IGSF11: variants seen among roughly 807,000 people sequenced by gnomAD.
IGSF11 encodes the protein immunoglobulin superfamily member 11.
Under a neutral mutation model 41.0 loss-of-function variants are expected in IGSF11, and 22 were observed. The observed-to-expected ratio is 0.54, with a 90% CI of 0.38 to 0.77. IGSF11 has a LOEUF of 0.77. Ranked by LOEUF, IGSF11 falls within the 30% of genes least tolerant of loss-of-function variation. The pLI is 0.00. For missense variants in IGSF11, 444 were observed against 530.8 expected (o/e 0.84, Z 1.61); for synonymous variants, 219 against 201.3 (o/e 1.09, Z -0.74).
intron 1 of IGSF11, among the ~76,000 whole-genome samples, chr3:119,118,226 G>T (rs997881092): frequency 2.0e-5 from 3 of 152,206 alleles, no homozygotes; most frequent in Non-Finnish European, 4.4e-5. Context: ...CCTAGCAAAG[G>T]TTCTCCAAGA....
chr3:118,904,889 A>C (rs1559869196), intron 5 of IGSF11, 91 bp from the exon 6 acceptor site: 1 of 1,056,004 alleles, frequency 9.5e-7, no homozygotes, highest in East Asian at 2.5e-5. Context: ...TAAGCTTACT[A>C]AATAATCTGC....
chr3:118,999,572 T>TGA (rs1435144708), intron 1 of IGSF11, among the ~76,000 whole-genome samples: 1 of 152,214 alleles, frequency 6.6e-6, no homozygotes, highest in Non-Finnish European at 1.5e-5. Flanking sequence ...CATAAGGTTC[T>TGA]TGACATATCC....
upstream of IGSF11, among the ~76,000 whole-genome samples, chr3:119,039,290 G>T (rs1274463617): frequency 1.3e-5 from 2 of 152,166 alleles, no homozygotes; most frequent in Non-Finnish European, 2.9e-5. Flanking sequence ...CTTTCTGGAG[G>T]TTCCGGGGAG....
intron 1 of IGSF11, among the ~76,000 whole-genome samples, chr3:118,944,144 C>T (rs1943932127): frequency 6.6e-6 from 1 of 152,112 alleles, no homozygotes; most frequent in African/African-American, 2.4e-5. Context: ...TAACTTCTAA[C>T]TAGTTTAAAG....
rs553690530 is a variant in IGSF11 at position 119,043,789 on chromosome 3, G to A, written c.49+61355C>T. Among the ~76,000 whole-genome samples, 11 of 152,234 alleles carry A rather than the reference G, an allele frequency of 7.2e-5. 1 individual carries two copies. The South Asian group carries it at 2.3e-3, about 32-fold the overall frequency. On this transcript the variant is annotated intron_variant, in intron 1 of 6. Coordinates refer to the IGSF11 transcript ENST00000354673. Reference sequence around the variant, plus strand: ...GGAGCCCAGTTAGCCCCACTGGGTGGCTAGATGCAGAAGGGCAATAACAAT... The same window carrying A: ...GGAGCCCAGTTAGCCCCACTGGGTGACTAGATGCAGAAGGGCAATAACAAT...
At chr3:118,989,654 C>A (rs1307589907) in intron 1 of IGSF11, among the ~76,000 whole-genome samples, 1 of 152,094 alleles carries the variant, frequency 6.6e-6, no homozygotes, top group Admixed American at 6.6e-5. Flanking sequence ...ACACCCAGCC[C>A]CTTTATAGCA....
Position 118,900,639 on chromosome 3 carries a change from A to T in IGSF11, c.*1881T>A, listed in dbSNP as rs1247776093. 6.6e-6 allele frequency: 1 copy of T among 152,624 alleles called. No individual in the cohort carries two copies. Among genetic ancestry groups the T allele is most frequent in the Non-Finnish European group, 1.5e-5 (1 of 68,040 alleles). 9.5% of individuals were successfully genotyped at this position (152,624 alleles called of 1,614,324 possible). On this transcript the variant is annotated 3_prime_UTR_variant, in exon 7 of 7. Transcript: ENST00000393775. ...AATTAATGACAACTTATTTTATATG[A>T]ATAAAATTTTATTGAATTTTAGATA...
intron 1 of IGSF11, among the ~76,000 whole-genome samples, chr3:119,009,087 T>C (rs1035197678): frequency 6.6e-6 from 1 of 152,038 alleles, no homozygotes; most frequent in Non-Finnish European, 1.5e-5. Flanking sequence ...CACACAAATT[T>C]CTCTGGAGAA....
intron 1 of IGSF11, among the ~76,000 whole-genome samples, chr3:119,074,855 AAAAT>A (rs1173163396): frequency 6.6e-6 from 1 of 152,152 alleles, no homozygotes; most frequent in Non-Finnish European, 1.5e-5. Context: ...CCGTCTCAAA[AAAAT>A]AAATAAAATA....
intron 1 of IGSF11, among the ~76,000 whole-genome samples, chr3:118,938,531 C>T (rs536760073): frequency 3.5e-4 from 54 of 152,282 alleles, no homozygotes; most frequent in African/African-American, 1.1e-3. Flanking sequence ...AACCAAGGCA[C>T]AAAAGCAGAA....
intron 1 of IGSF11, among the ~76,000 whole-genome samples, chr3:118,974,168 A>G (rs980849009): frequency 6.6e-6 from 1 of 152,140 alleles, no homozygotes; most frequent in Admixed American, 6.5e-5. Flanking sequence ...GCTACAGGAG[A>G]TAAAGTGGGT....
At chr3:119,096,851 C>T (rs2076859903) in intron 1 of IGSF11, among the ~76,000 whole-genome samples, 1 of 152,176 alleles carries the variant, frequency 6.6e-6, no homozygotes, top group Non-Finnish European at 1.5e-5. Context: ...CCAAGAGTTT[C>T]TAGCTTTTAA....
intron 1 of IGSF11, among the ~76,000 whole-genome samples, chr3:119,095,691 T>C (rs564895902): frequency 2.6e-5 from 4 of 152,220 alleles, no homozygotes; most frequent in South Asian, 4.2e-4. Flanking sequence ...AAAAACAACA[T>C]TGAGTTAGAG....
chr3:119,114,641 C>A (rs1165719247), intron 1 of IGSF11, among the ~76,000 whole-genome samples: 2 of 152,236 alleles, frequency 1.3e-5, no homozygotes, highest in Non-Finnish European at 1.5e-5. Flanking sequence ...TTTAACAAGT[C>A]TCTAGGAAGT....
chr3:118,922,430 G>T (rs113170259), intron 4 of IGSF11, among the ~76,000 whole-genome samples: 2 of 149,094 alleles, frequency 1.3e-5, no homozygotes, highest in Non-Finnish European at 3.0e-5. Flanking sequence ...TGTGTGTGTG[G>T]CTGGGAACAG....
At chr3:118,912,007 A>T (rs1940381385) in intron 4 of IGSF11, among the ~76,000 whole-genome samples, 1 of 152,222 alleles carries the variant, frequency 6.6e-6, no homozygotes, top group African/African-American at 2.4e-5. Context: ...AGGAAAACAG[A>T]GGATTTCTTA....
In IGSF11 at chr3:118,902,702, G is replaced by C. The variant is rs1559864042; in HGVS notation, c.1114C>G (p.Leu372Val). ...GACCCTCTGTTGGCTGTCACTACCAGAGTCTTATGTTGACCCGGGACCAGA... is the reference window on the plus strand; with the variant it reads ...GACCCTCTGTTGGCTGTCACTACCACAGTCTTATGTTGACCCGGGACCAGA... ...THLVPGQHKT[L>V]VVTANRGSSP... Residue 372 changes from leucine (L) to valine (V), a missense_variant, in exon 7 of 7, where the codon CTG becomes GTG. By Grantham distance (32) the Leu-to-Val change is conservative (BLOSUM62 1). Coordinates refer to ENST00000393775, the MANE Select transcript of IGSF11 (RefSeq NM_001015887.3). 1 of 1,614,152 alleles carries C rather than the reference G, an allele frequency of 6.2e-7. No homozygotes were observed. The highest frequency in any genetic ancestry group is 1.3e-5 in the African/African-American group (1 of 75,046).
intron 1 of IGSF11, among the ~76,000 whole-genome samples, chr3:119,079,984 C>T (rs1344121392): frequency 6.6e-6 from 1 of 152,168 alleles, no homozygotes; most frequent in Non-Finnish European, 1.5e-5. Flanking sequence ...ACCCCAGCAA[C>T]ATGCAATTTA....
At chr3:118,987,802 G>A (rs180791276) in intron 1 of IGSF11, among the ~76,000 whole-genome samples, 3 of 152,286 alleles carry the variant, frequency 2.0e-5, no homozygotes, top group East Asian at 1.9e-4. Context: ...ACAGACAGAC[G>A]AATACCAACT....
Sources: allele counts gnomAD v4.1 joint callset (sites outside exome capture counted in the v4.1 genomes callset), GRCh38; gene constraint gnomAD v4.1.1; transcripts MANE v1.5; gene names NCBI Gene and HGNC (gene_info 2026-07-23, HGNC 2026-07-21).